The following CXADR variants were observed in gnomAD, a reference collection of about 807,000 sequenced individuals.
The protein encoded by CXADR is CXADR cell adhesion molecule, also known as coxsackievirus and adenovirus receptor.
In CXADR, 20 loss-of-function variants were observed where a neutral mutation model predicts 40.3. That is an observed-to-expected ratio of 0.50 (90% CI 0.35 to 0.72). The LOEUF (loss-of-function observed/expected upper bound fraction) is 0.72, where lower values mean the gene tolerates loss of function less well. Ranked by LOEUF, CXADR falls within the 30% of genes least tolerant of loss-of-function variation. The pLI is 0.01. For missense variants in CXADR, 332 were observed against 449.1 expected (o/e 0.74, Z 2.36); for synonymous variants, 150 against 161.3 (o/e 0.93, Z 0.53).
At chr21:17,535,209 C>T (rs2123190566) in intron 1 of CXADR, among the ~76,000 whole-genome samples, 1 of 152,276 alleles carries the variant, frequency 6.6e-6, no homozygotes, top group South Asian at 2.1e-4. Context: ...CTCGTTGCAG[C>T]CTCAGCTTCC....
intron 1 of CXADR, among the ~76,000 whole-genome samples, chr21:17,534,194 G>A (rs2060723643): frequency 7.3e-6 from 1 of 136,858 alleles, no homozygotes; most frequent in Non-Finnish European, 1.5e-5. Context: ...TGCAACCTCT[G>A]CCTCCGGGTT....
At chr21:17,597,802 A>T (rs1569175023), downstream of CXADR, among the ~76,000 whole-genome samples, 1 of 152,170 alleles carries the variant, frequency 6.6e-6, no homozygotes, top group South Asian at 2.1e-4. Flanking sequence ...TGAATTTAAA[A>T]GTTTAGTTTA....
At chr21:17,518,766 G>A in intron 1 of CXADR, 1 of 1,584,730 alleles carries the variant, frequency 6.3e-7, no homozygotes, top group Non-Finnish European at 8.7e-7. Flanking sequence ...TAGCAGAAAG[G>A]GAAGCTTGGA....
intron 7 of CXADR, among the ~76,000 whole-genome samples, chr21:17,580,406 C>G (rs2061351760): frequency 6.6e-6 from 1 of 152,126 alleles, no homozygotes; most frequent in African/African-American, 2.4e-5. Flanking sequence ...ATATCTCGAG[C>G]CCAGGAGTTG....
downstream of CXADR, among the ~76,000 whole-genome samples, chr21:17,573,247 A>G (rs1000218209): frequency 6.6e-6 from 1 of 152,144 alleles, no homozygotes; most frequent in Non-Finnish European, 1.5e-5. Context: ...GCGCATCTCA[A>G]CTAATTGCGT....
intron 2 of CXADR, among the ~76,000 whole-genome samples, chr21:17,550,800 G>C (rs1236990304): frequency 1.3e-5 from 2 of 152,218 alleles, no homozygotes; most frequent in Non-Finnish European, 2.9e-5. Flanking sequence ...CAAAGGCTAT[G>C]TGTGGTTCAG....
intron 1 of CXADR, among the ~76,000 whole-genome samples, chr21:17,514,208 T>G (rs1204077455): frequency 1.3e-5 from 2 of 152,162 alleles, no homozygotes; most frequent in East Asian, 3.9e-4. Context: ...GAAGGGTAAT[T>G]TTTTGTTGTT....
chr21:17,524,881 C>A (rs1029810676), intron 1 of CXADR, among the ~76,000 whole-genome samples: 1 of 152,240 alleles, frequency 6.6e-6, no homozygotes. Flanking sequence ...CGCACTCCAG[C>A]CTGGGCGACA....
chr21:17,547,757 A>G (rs1481098263), intron 2 of CXADR, among the ~76,000 whole-genome samples: 2 of 110,574 alleles, frequency 1.8e-5, no homozygotes, highest in African/African-American at 4.9e-5. Context: ...AATCTTTTTA[A>G]ATTTATTTTT....
chr21:17,537,735 G>A (rs1414963614), intron 1 of CXADR, among the ~76,000 whole-genome samples: 1 of 152,006 alleles, frequency 6.6e-6, no homozygotes. Context: ...AATATTTGTT[G>A]AATGCCAAGT....
chr21:17,608,203 A>T, the CXADR span, among the ~76,000 whole-genome samples: 4 of 151,844 alleles, frequency 2.6e-5, no homozygotes, highest in East Asian at 7.7e-4. Flanking sequence ...CCATCTATAC[A>T]AAAAAAAATT....
chr21:17,559,376 G>A (rs765062721), intron 4 of CXADR, among the ~76,000 whole-genome samples: 4 of 151,412 alleles, frequency 2.6e-5, no homozygotes, highest in Non-Finnish European at 4.4e-5. Flanking sequence ...GTAGAGACAG[G>A]ATCTCCCTGC....
chr21:17,543,620 C>T (rs566076419), intron 1 of CXADR, among the ~76,000 whole-genome samples: 95 of 152,198 alleles, frequency 6.2e-4, no homozygotes, highest in African/African-American at 2.3e-3. Context: ...TTAGATTACT[C>T]ATATTATTTG....
intron 5 of CXADR, 48 bp downstream of exon 5, chr21:17,560,872 A>T: frequency 6.2e-7 from 1 of 1,606,584 alleles, no homozygotes; most frequent in East Asian, 2.2e-5. Context: ...TTATCTTTAT[A>T]CCACCTCCTT....
chr21:17,591,340 T>A (rs1157769773), intron 7 of CXADR, among the ~76,000 whole-genome samples: 1 of 152,028 alleles, frequency 6.6e-6, no homozygotes, highest in Non-Finnish European at 1.5e-5. Flanking sequence ...ATTAAAAAAA[T>A]TATTTACTAT....
intron 1 of CXADR, among the ~76,000 whole-genome samples, chr21:17,531,814 T>A (rs1317901652): frequency 6.6e-6 from 1 of 152,226 alleles, no homozygotes; most frequent in Non-Finnish European, 1.5e-5. Flanking sequence ...CTCACTGTAT[T>A]GTCCAGGCTG....
At position 17,564,379 on chromosome 21, in the gene CXADR, C is replaced by T. The variant is rs997170929; in HGVS notation, c.834-1049C>T. On this transcript the variant is annotated intron_variant, in intron 6 of 6. Transcript: ENST00000284878. The stretch of plus-strand genomic sequence containing the variant: ...ATGTATATAACCTGCACACATTCTT[C>T]TGTATACTTCGAGTCATCTCTAGAT... Among the ~76,000 whole-genome samples the T allele has an allele frequency of 3.3e-5, 5 of 151,496 alleles. No homozygotes were observed. The East Asian group carries it at 9.7e-4, about 29-fold the overall frequency.
chr21:17,592,216 A>G (rs2061443680), intron 7 of CXADR, among the ~76,000 whole-genome samples: 1 of 151,882 alleles, frequency 6.6e-6, no homozygotes, highest in Non-Finnish European at 1.5e-5. Flanking sequence ...TGATTTTCCC[A>G]ACAAACCTAT....
At chr21:17,513,736 T>C (rs1600930552) in intron 1 of CXADR, among the ~76,000 whole-genome samples, 1 of 152,160 alleles carries the variant, frequency 6.6e-6, no homozygotes, top group Non-Finnish European at 1.5e-5. Context: ...GTTAGTCTCC[T>C]GGAAGCAGCT....
Sources: gnomAD v4.1 joint callset for allele counts (sites outside exome capture counted in the v4.1 genomes callset) on GRCh38, gnomAD v4.1.1 for gene constraint, MANE v1.5 for transcripts, NCBI Gene and HGNC (gene_info 2026-07-23, HGNC 2026-07-21) for gene names.